STAT4: variants seen among roughly 807,000 people sequenced by gnomAD.
STAT4 encodes signal transducer and activator of transcription 4.
A neutral mutation model predicts 110.5 loss-of-function variants in STAT4; 42 were observed. The observed-to-expected ratio is 0.38, with a 90% CI of 0.30 to 0.49. The LOEUF is 0.49. STAT4 is among the 20% of genes least tolerant of loss of function. The pLI, the probability that STAT4 is intolerant of heterozygous loss-of-function variation, is 0.95. For missense variants in STAT4, 632 were observed against 887.9 expected, an observed-to-expected ratio of 0.71 and a Z score of 3.66; for synonymous variants, 284 against 302.2, an observed-to-expected ratio of 0.94 and a Z score of 0.63.
chr2:191,030,023 T>C lies in STAT4; in HGVS notation c.2221-157A>G, dbSNP rs1695842058. On this transcript the variant is annotated intron_variant, in intron 23 of 23. Coordinates refer to ENST00000392320, the MANE Select transcript of STAT4 (RefSeq NM_003151.4). The surrounding 1 kb of genome is among the most constrained non-coding windows in gnomAD (Gnocchi z 4.4). ...TAAACTAAGTATTTGCAAAAGTAAT[T>C]GGGGTTGATCAGTCTAAAATAAAAG... Among the ~76,000 whole-genome samples the C allele has an allele frequency of 6.6e-6, 1 of 152,194 alleles. No homozygotes were observed. The highest frequency in any genetic ancestry group is 3.2e-3 in the Middle Eastern group (1 of 316).
At chr2:191,085,927 TC>T (rs1310168667) in intron 3 of STAT4, among the ~76,000 whole-genome samples, 1 of 152,216 alleles carries the variant, frequency 6.6e-6, no homozygotes, top group Non-Finnish European at 1.5e-5. Flanking sequence ...AACCTTTTTT[TC>T]ATTTGAACTA....
Position 191,138,895 on chromosome 2 carries a change from A to G in STAT4, c.273+7718T>C, listed in dbSNP as rs1424812563. Among the ~76,000 whole-genome samples, 2 of 152,178 alleles carry G rather than the reference A, an allele frequency of 1.3e-5. No homozygotes were observed. Among genetic ancestry groups the G allele is most frequent in the East Asian group, 3.8e-4 (2 of 5,204 alleles). ...CAAAATCCAACAGCATATCAAAAAG[A>G]TAATACATCATGATCAAATGGGTTT... On this transcript the variant is annotated intron_variant, in intron 3 of 23. Coordinates refer to ENST00000392320, the MANE Select transcript of STAT4 (RefSeq NM_003151.4). The surrounding 1 kb of genome is among the most constrained non-coding windows in gnomAD (Gnocchi z 4.3).
chr2:191,052,806 C>G (rs1010414539), intron 14 of STAT4, among the ~76,000 whole-genome samples: 5 of 152,158 alleles, frequency 3.3e-5, no homozygotes, highest in African/African-American at 1.2e-4. Context: ...CAATGTTTAA[C>G]TAGGAAGTTT....
chr2:191,111,240 T>G (rs1559071813), intron 3 of STAT4, among the ~76,000 whole-genome samples: 1 of 152,228 alleles, frequency 6.6e-6, no homozygotes, highest in Non-Finnish European at 1.5e-5. Context: ...ATCCTTTTCC[T>G]CTCCTCTACT....
chr2:191,148,561 G>C (rs7592037), intron 1 of STAT4, among the ~76,000 whole-genome samples: 1,523 of 152,132 alleles, frequency 0.01, 24 homozygotes, highest in African/African-American at 0.034. Flanking sequence ...TTTAGACTTG[G>C]AGCAACTTGA....
At chr2:191,134,713 A>T (rs1003799437) in intron 3 of STAT4, among the ~76,000 whole-genome samples, 1 of 152,254 alleles carries the variant, frequency 6.6e-6, no homozygotes, top group African/African-American at 2.4e-5. Context: ...TCTAAAAATC[A>T]AAATTATATC....
At position 191,150,740 on chromosome 2, in the gene STAT4, T is replaced by G. The variant is rs936806606; in HGVS notation, c.-2+207A>C. On this transcript the variant is annotated intron_variant, in intron 1 of 23. Coordinates refer to ENST00000392320, the MANE Select transcript of STAT4 (RefSeq NM_003151.4). This position sits in a 1 kb window ranked among gnomAD's most constrained non-coding sequence, Gnocchi z 6.4. ...TCGCCCGGGCACCGTGGCGCGGGCC[T>G]GCGGAGCGGTTTCCGCGGAGAACCC... Among the ~76,000 whole-genome samples the G allele has an allele frequency of 3.3e-5, 5 of 152,202 alleles. No homozygotes were observed. Among genetic ancestry groups the G allele is most frequent in the Non-Finnish European group, 5.9e-5 (4 of 68,028 alleles).
At chr2:191,127,531 G>A (rs1698914316) in intron 3 of STAT4, among the ~76,000 whole-genome samples, 1 of 152,140 alleles carries the variant, frequency 6.6e-6, no homozygotes, top group Admixed American at 6.5e-5. Context: ...TCCATTCTAG[G>A]TAGCAAACTC....
rs1698614233 is a variant in STAT4, at chr2:191,117,901, G to A, written c.273+28712C>T. 6.6e-6 allele frequency among the ~76,000 whole-genome samples: 1 copy of A among 152,126 alleles called. No individual in the cohort carries two copies. The highest frequency in any genetic ancestry group is 1.5e-5 in the Non-Finnish European group (1 of 68,022). Reference sequence around the variant, plus strand: ...TTAACAAGTTCCCCAAGTGATTTTTGTAATGAAACACAAACTGAGAAGGAT... The same window carrying A: ...TTAACAAGTTCCCCAAGTGATTTTTATAATGAAACACAAACTGAGAAGGAT... On this transcript the variant is annotated intron_variant, in intron 3 of 23. Coordinates refer to ENST00000392320, the MANE Select transcript of STAT4 (RefSeq NM_003151.4). The surrounding 1 kb of genome is among the most constrained non-coding windows in gnomAD (Gnocchi z 5.2).
chr2:191,126,520 C>T (rs149398290), intron 3 of STAT4, among the ~76,000 whole-genome samples: 7 of 152,304 alleles, frequency 4.6e-5, no homozygotes, highest in South Asian at 2.1e-4. Flanking sequence ...ACCTTCATGT[C>T]GTCTTTCTCT....
intron 14 of STAT4, among the ~76,000 whole-genome samples, chr2:191,054,148 G>GA (rs949797978): frequency 2.3e-5 from 3 of 129,082 alleles, no homozygotes; most frequent in Non-Finnish European, 5.0e-5. Flanking sequence ...AAAAAAGAAA[G>GA]AAAAAAAAGA....
At chr2:191,109,883 T>A (rs1164731097) in intron 3 of STAT4, among the ~76,000 whole-genome samples, 1 of 152,186 alleles carries the variant, frequency 6.6e-6, no homozygotes, top group Non-Finnish European at 1.5e-5. Flanking sequence ...GTTGGGCAAC[T>A]CACAACTGCA....
In STAT4 at chr2:191,033,585, A is replaced by G; in HGVS notation, c.1757T>C (p.Leu586Ser). Reference protein sequence around the residue: ...GFVSKEKERLLLKDKMPGTFL... With the variant: ...GFVSKEKERLSLKDKMPGTFL... Reference sequence around the variant, plus strand: ...GGTGCCAGGCATTTTATCCTTTAGCAACAGCCGTTCCTTCTCTTTGCTAAC... The same window carrying G: ...GGTGCCAGGCATTTTATCCTTTAGCGACAGCCGTTCCTTCTCTTTGCTAAC... Residue 586 changes from leucine (L) to serine (S), a missense_variant, in exon 20 of 24, where the codon TTG becomes TCG. Coordinates refer to ENST00000392320, the MANE Select transcript of STAT4 (RefSeq NM_003151.4). The surrounding 1 kb of genome is among the most constrained non-coding windows in gnomAD (Gnocchi z 6.9). The G allele has an allele frequency of 6.2e-7, 1 of 1,614,156 alleles. No individual in the cohort carries two copies. Among genetic ancestry groups the G allele is most frequent in the Non-Finnish European group, 8.5e-7 (1 of 1,180,020 alleles).
rs922946081 is a variant in STAT4 at position 191,091,614 on chromosome 2, G to A, written c.274-15289C>T. Among the ~76,000 whole-genome samples, 4 of 152,168 alleles carry A rather than the reference G, an allele frequency of 2.6e-5. No homozygotes were observed. The highest frequency in any genetic ancestry group is 9.7e-5 in the African/African-American group (4 of 41,448). On this transcript the variant is annotated intron_variant, in intron 3 of 23. Coordinates refer to ENST00000392320, the MANE Select transcript of STAT4 (RefSeq NM_003151.4). The surrounding 1 kb of genome is among the most constrained non-coding windows in gnomAD (Gnocchi z 5.4). ...TTAAAGTTCATATGTGACAGAAAAT[G>A]TCTGACAACAGCTATGATAGTCACA...
chr2:191,037,329 A>AT lies in STAT4; in HGVS notation c.1435-1031_1435-1030insA, dbSNP rs745617111. Reference sequence around the variant, plus strand: ...TATTTGCTCTACATAATTAAAAAAAACAAAAACAGAGAAATGATCTCGCTC... The same window carrying AT: ...TATTTGCTCTACATAATTAAAAAAAATCAAAAACAGAGAAATGATCTCGCTC... On this transcript the variant is annotated intron_variant, in intron 16 of 23. Transcript: ENST00000392320. This position sits in a 1 kb window ranked among gnomAD's most constrained non-coding sequence, Gnocchi z 4.8. Among the ~76,000 whole-genome samples the AT allele has an allele frequency of 2.0e-3, 297 of 152,282 alleles. 3 individuals carry two copies. Among genetic ancestry groups the AT allele is most frequent in the East Asian group, 2.9e-3 (15 of 5,172 alleles).
intron 3 of STAT4, among the ~76,000 whole-genome samples, chr2:191,141,845 G>A (rs1699344816): frequency 6.6e-6 from 1 of 151,924 alleles, no homozygotes; most frequent in African/African-American, 2.4e-5. Context: ...TGGCCAGGCT[G>A]GTCTCAAACT....
rs1202003784 is a variant in STAT4 at position 191,138,373 on chromosome 2, A to G, written c.273+8240T>C. 6.6e-6 allele frequency among the ~76,000 whole-genome samples: 1 copy of G among 152,196 alleles called. No individual in the cohort carries two copies. The highest frequency in any genetic ancestry group is 1.5e-5 in the Non-Finnish European group (1 of 68,032). ...AGACCATTAGTGAGATTAACCAAAA[A>G]AAGAAGAGAGAAGATCCAAATAAGA... On this transcript the variant is annotated intron_variant, in intron 3 of 23. Transcript: ENST00000392320. The surrounding 1 kb of genome is among the most constrained non-coding windows in gnomAD (Gnocchi z 4.3).
chr2:191,064,252 C>T (rs1199784059), intron 8 of STAT4, among the ~76,000 whole-genome samples: 2 of 152,120 alleles, frequency 1.3e-5, no homozygotes, highest in Non-Finnish European at 2.9e-5. Flanking sequence ...GCATTATTAC[C>T]TCACATACTT....
chr2:191,039,160 G>C lies in STAT4; in HGVS notation c.1434+39C>G, dbSNP rs371804659. On this transcript the variant is annotated intron_variant, in intron 16 of 23. Coordinates refer to ENST00000392320, the MANE Select transcript of STAT4 (RefSeq NM_003151.4). The surrounding 1 kb of genome is among the most constrained non-coding windows in gnomAD (Gnocchi z 4.7). ...GTGTTTGTTGGCAATAAAACAAATCGAATAGCATTAAAGAAGTTGAGGTAG... is the reference window on the plus strand; with the variant it reads ...GTGTTTGTTGGCAATAAAACAAATCCAATAGCATTAAAGAAGTTGAGGTAG... 14 of 1,573,590 alleles carry C rather than the reference G, an allele frequency of 8.9e-6. No homozygotes were observed. Among genetic ancestry groups the C allele is most frequent in the Non-Finnish European group, 8.7e-6 (10 of 1,143,238 alleles).
Sources: gnomAD v4.1 joint callset for allele counts (sites outside exome capture counted in the v4.1 genomes callset) on GRCh38, gnomAD v4.1.1 for gene constraint, Gnocchi (gnomAD v3.1) non-coding constraint, MANE v1.5 for transcripts, NCBI Gene and HGNC (gene_info 2026-07-23, HGNC 2026-07-21) for gene names.